Variants in LRBA observed in about 807,000 individuals in gnomAD.
LRBA encodes lipopolysaccharide-responsive and beige-like anchor protein.
In LRBA, 176 loss-of-function variants were observed where a neutral mutation model predicts 330.0. That is an observed-to-expected ratio of 0.53 (90% CI 0.47 to 0.60). The LOEUF (loss-of-function observed/expected upper bound fraction) is 0.60, where lower values mean the gene tolerates loss of function less well. Ranked by LOEUF, LRBA falls within the 20% of genes least tolerant of loss-of-function variation. The probability of loss-of-function intolerance (pLI) is 0.00; values close to 1 mark genes in which losing one functional copy is unlikely to be tolerated. For synonymous variants in LRBA, 1,230 were observed against 1,193.0 expected (o/e 1.03, Z -0.64); for missense variants, 3,259 against 3,444.8 (o/e 0.95, Z 1.35).
At chr4:150,315,747 G>A in intron 50 of LRBA, 124 bp from the exon 51 acceptor site, 1 of 635,074 alleles carries the variant, frequency 1.6e-6, no homozygotes, top group African/African-American at 1.9e-5. Context: ...GCAGTTTTGT[G>A]AAATTTAAAG....
chr4:150,588,311 T>C (rs1175061907), intron 39 of LRBA, 127 bp from the exon 40 acceptor site: 1 of 820,038 alleles, frequency 1.2e-6, no homozygotes, highest in Non-Finnish European at 1.8e-6. Context: ...CAACTACTTC[T>C]ACAGTTAAAT....
At chr4:150,921,134 C>T (rs1017669752) in intron 5 of LRBA, 64 bp downstream of exon 5, 1 of 1,053,702 alleles carries the variant, frequency 9.5e-7, no homozygotes, top group Non-Finnish European at 1.5e-6. Context: ...GTTCACAGGG[C>T]TGTACTTTCA....
At chr4:150,923,545 T>C (rs1351033737) in intron 4 of LRBA, among the ~76,000 whole-genome samples, 1 of 152,170 alleles carries the variant, frequency 6.6e-6, no homozygotes, top group Non-Finnish European at 1.5e-5. Flanking sequence ...CCGCATAGCA[T>C]ATAAATATAT....
intron 40 of LRBA, among the ~76,000 whole-genome samples, chr4:150,529,528 C>T (rs1763831765): frequency 6.6e-6 from 1 of 152,010 alleles, no homozygotes; most frequent in Admixed American, 6.6e-5. Context: ...TCAGCCTGAC[C>T]AACATGGTGA....
At chr4:150,892,041 G>A (rs577658872) in intron 17 of LRBA, among the ~76,000 whole-genome samples, 3 of 152,214 alleles carry the variant, frequency 2.0e-5, no homozygotes, top group South Asian at 2.1e-4. Flanking sequence ...GCAGTGACCC[G>A]TGATCATACC....
intron 37 of LRBA, among the ~76,000 whole-genome samples, chr4:150,636,541 G>C (rs1777930289): frequency 2.0e-5 from 3 of 152,118 alleles, no homozygotes; most frequent in Admixed American, 1.3e-4. Context: ...GCTCCACAGA[G>C]CCCTGGTTTC....
chr4:150,825,156 G>C (rs1746042177), intron 30 of LRBA, among the ~76,000 whole-genome samples: 1 of 151,928 alleles, frequency 6.6e-6, no homozygotes, highest in Non-Finnish European at 1.5e-5. Flanking sequence ...CTTAGAAATA[G>C]TACATGGTAC....
At chr4:150,535,210 T>C (rs1764515040) in intron 40 of LRBA, among the ~76,000 whole-genome samples, 1 of 150,804 alleles carries the variant, frequency 6.6e-6, no homozygotes. Flanking sequence ...CCTTGCTCAC[T>C]GAAGCCTCGA....
chr4:150,393,534 T>C (rs1264280720), intron 47 of LRBA, among the ~76,000 whole-genome samples: 1 of 143,630 alleles, frequency 7.0e-6, no homozygotes, highest in Non-Finnish European at 1.5e-5. Context: ...TGCCATGCTA[T>C]AGTGCAGTGG....
At chr4:150,879,667 A>G (rs1367893127) in intron 17 of LRBA, among the ~76,000 whole-genome samples, 3 of 152,224 alleles carry the variant, frequency 2.0e-5, no homozygotes, top group Non-Finnish European at 4.4e-5. Context: ...ACTTCAGTAC[A>G]GTTTCGGGAT....
chr4:150,736,676 A>T (rs1045647996), intron 35 of LRBA, among the ~76,000 whole-genome samples: 2 of 152,190 alleles, frequency 1.3e-5, no homozygotes, highest in Non-Finnish European at 2.9e-5. Flanking sequence ...GAAAAAAGCA[A>T]TATTTGAAGA....
intron 25 of LRBA, 138 bp downstream of exon 25, chr4:150,849,284 C>A: frequency 1.4e-6 from 1 of 724,740 alleles, no homozygotes; most frequent in Non-Finnish European, 2.3e-6. Flanking sequence ...TTCTAAGGTC[C>A]TCTCAAGTAA....
chr4:150,953,996 C>T (rs1197828367), intron 2 of LRBA, among the ~76,000 whole-genome samples: 4 of 137,744 alleles, frequency 2.9e-5, no homozygotes, highest in East Asian at 4.5e-4. Flanking sequence ...AGGTAAGGAG[C>T]GTCTCTGACC....
At chr4:150,643,405 C>CATAG (rs1326346765) in intron 37 of LRBA, among the ~76,000 whole-genome samples, 4 of 151,824 alleles carry the variant, frequency 2.6e-5, no homozygotes, top group Non-Finnish European at 5.9e-5. Flanking sequence ...GATGGAGGCA[C>CATAG]ATAGATGATA....
At chr4:150,323,013 G>A (rs923233978) in intron 49 of LRBA, among the ~76,000 whole-genome samples, 1 of 141,660 alleles carries the variant, frequency 7.1e-6, no homozygotes, top group Admixed American at 7.3e-5. Context: ...GTGTGTGTGT[G>A]TGTGTGTGTG....
chr4:150,294,720 G>A (rs1490018899), intron 53 of LRBA, among the ~76,000 whole-genome samples: 1 of 152,208 alleles, frequency 6.6e-6, no homozygotes, highest in Non-Finnish European at 1.5e-5. Flanking sequence ...GGGAGGCCAA[G>A]GTGGGCGGAT....
At chr4:150,784,069 C>T (rs886620280) in intron 34 of LRBA, among the ~76,000 whole-genome samples, 1 of 152,178 alleles carries the variant, frequency 6.6e-6, no homozygotes, top group African/African-American at 2.4e-5. Context: ...TTATCTCACT[C>T]TCTGCCCAAG....
intron 40 of LRBA, among the ~76,000 whole-genome samples, chr4:150,559,927 AATATAT>A (rs1306315263): frequency 1.1e-5 from 1 of 95,232 alleles, no homozygotes; most frequent in African/African-American, 4.3e-5. Context: ...TATAAATATA[AATATAT>A]ATATATCTAT....
At chr4:150,397,555 G>T (rs1744900367) in intron 47 of LRBA, among the ~76,000 whole-genome samples, 1 of 152,186 alleles carries the variant, frequency 6.6e-6, no homozygotes, top group Admixed American at 6.5e-5. Context: ...TGGGATTATA[G>T]ATATGTGCCA....
Sources: gnomAD v4.1 joint callset for allele counts (sites outside exome capture counted in the v4.1 genomes callset) on GRCh38, gnomAD v4.1.1 for gene constraint, MANE v1.5 for transcripts, NCBI Gene and HGNC (gene_info 2026-07-23, HGNC 2026-07-21) for gene names.